The following LRP1B variants were observed in gnomAD, a reference collection of about 807,000 sequenced individuals.
LRP1B encodes the protein LDL receptor related protein 1B.
A neutral mutation model predicts 556.6 loss-of-function variants in LRP1B; 217 were observed. The ratio of observed to expected loss-of-function variants is 0.39; its 90% confidence interval spans 0.35 to 0.44. The LOEUF is 0.44. Among genes scored for constraint, LRP1B ranks in the 20% least tolerant of loss-of-function variants. The pLI, the probability that LRP1B is intolerant of heterozygous loss-of-function variation, is 1.00. For synonymous variants in LRP1B, 2,047 were observed against 1,865.8 expected, an observed-to-expected ratio of 1.10 and a Z score of -2.50; for missense variants, 5,053 against 5,620.8, an observed-to-expected ratio of 0.90 and a Z score of 3.23.
chr2:142,070,889 C>T (rs1234262799), intron 1 of LRP1B, among the ~76,000 whole-genome samples: 1 of 151,912 alleles, frequency 6.6e-6, no homozygotes, highest in African/African-American at 2.4e-5. Context: ...GATATCTGCT[C>T]TAATCTTCCC....
intron 7 of LRP1B, among the ~76,000 whole-genome samples, chr2:141,115,542 C>T (rs572164683): frequency 4.0e-5 from 6 of 148,722 alleles, no homozygotes; most frequent in South Asian, 2.1e-4. Context: ...TTGCAAGCTC[C>T]GCCTCCCGAG....
chr2:141,266,523 AT>A (rs70991150), intron 3 of LRP1B, among the ~76,000 whole-genome samples: 18,543 of 151,974 alleles, frequency 0.12, 1,275 homozygotes, highest in Admixed American at 0.18. Context: ...CAAAGTAACA[AT>A]TTTTTTTAAA....
At chr2:141,941,878 G>GT (rs1700816212) in intron 1 of LRP1B, among the ~76,000 whole-genome samples, 1 of 152,176 alleles carries the variant, frequency 6.6e-6, no homozygotes, top group Non-Finnish European at 1.5e-5. Flanking sequence ...CTAATAAAAT[G>GT]ATGAGTACCG....
In LRP1B at chr2:141,062,087, T is replaced by A. The variant is rs1257590869; in HGVS notation, c.1200A>T (p.Gln400His). 1 of 1,612,018 alleles carries A rather than the reference T, an allele frequency of 6.2e-7. No individual in the cohort carries two copies. Residue 400 changes from glutamine to histidine, a missense_variant, in exon 8 of 91, where the codon CAA becomes CAT. Physicochemically the swap from Gln to His is conservative, Grantham distance 24. This residue lies in a region of LRP1B where 3,619 missense variants were observed against 3,931.9 expected (regional missense o/e 0.92). Coordinates refer to ENST00000389484, the MANE Select transcript of LRP1B (RefSeq NM_018557.3). ...GAATGACAGTGTGTCTATTTTTTCCTTGATAGTCCACTACTCCCACATAGT... is the reference window on the plus strand; with the variant it reads ...GAATGACAGTGTGTCTATTTTTTCCATGATAGTCCACTACTCCCACATAGT... ...YLDYVGVVDYQGKNRHTVIQG... is the reference protein window; with the variant it reads ...YLDYVGVVDYHGKNRHTVIQG...
At position 141,583,128 on chromosome 2, in the gene LRP1B, G is replaced by A. The variant is rs867750269; in HGVS notation, c.206-102595C>T. On this transcript the variant is annotated intron_variant, in intron 2 of 90. Transcript: ENST00000389484. Reference sequence around the variant, plus strand: ...TGGGATTACAGGCGTGAGCCACCACGCCCGGCCAACAATAATCATTTTTAT... The same window carrying A: ...TGGGATTACAGGCGTGAGCCACCACACCCGGCCAACAATAATCATTTTTAT... Among the ~76,000 whole-genome samples the A allele has an allele frequency of 4.8e-4, 73 of 152,104 alleles. 1 individual carries two copies. Among genetic ancestry groups the A allele is most frequent in the African/African-American group, 1.7e-3 (69 of 41,508 alleles).
chr2:141,382,613 ACAGCAGGTCCTGAGAGGATCC>A, intron 3 of LRP1B, among the ~76,000 whole-genome samples: 1 of 152,302 alleles, frequency 6.6e-6, no homozygotes, highest in East Asian at 1.9e-4. Flanking sequence ...CCTTCATCTC[ACAGCAGGTCCTGAGAGGATCC>A]CAGGATCAGC....
intron 2 of LRP1B, among the ~76,000 whole-genome samples, chr2:141,524,639 A>G (rs1410614457): frequency 6.6e-6 from 1 of 152,032 alleles, no homozygotes; most frequent in Non-Finnish European, 1.5e-5. Context: ...TCTTCCTCCA[A>G]TGTGGCCCAG....
intron 3 of LRP1B, among the ~76,000 whole-genome samples, chr2:141,467,882 C>T (rs1266803909): frequency 6.7e-6 from 1 of 149,878 alleles, no homozygotes; most frequent in Non-Finnish European, 1.5e-5. Context: ...ACATACTATC[C>T]CTAGAAGTTG....
intron 2 of LRP1B, among the ~76,000 whole-genome samples, chr2:141,645,684 T>G (rs1466044466): frequency 6.6e-6 from 1 of 151,946 alleles, no homozygotes; most frequent in Non-Finnish European, 1.5e-5. Flanking sequence ...CAACTGAGTA[T>G]ACTATGTATG....
At chr2:141,237,500 C>T (rs545080042) in intron 5 of LRP1B, among the ~76,000 whole-genome samples, 7 of 152,012 alleles carry the variant, frequency 4.6e-5, no homozygotes, top group Non-Finnish European at 1.0e-4. Flanking sequence ...GCCACTGTGC[C>T]AAACCTGTGC....
chr2:140,654,025 CAAAAAAAAAAAA>C (rs61199077), intron 41 of LRP1B, among the ~76,000 whole-genome samples: 2 of 35,398 alleles, frequency 5.7e-5, no homozygotes, highest in East Asian at 8.7e-4. Flanking sequence ...GACTCCATCT[CAAAAAAAAAAAA>C]AAAAAAAAAA....
intron 17 of LRP1B, among the ~76,000 whole-genome samples, chr2:140,989,293 C>T (rs1192674484): frequency 6.6e-6 from 1 of 152,062 alleles, no homozygotes; most frequent in Non-Finnish European, 1.5e-5. Context: ...TGTCGACAGT[C>T]AACCCATATG....
At chr2:141,786,663 C>T (rs1436433852) in intron 2 of LRP1B, among the ~76,000 whole-genome samples, 1 of 151,944 alleles carries the variant, frequency 6.6e-6, no homozygotes, top group Middle Eastern at 3.4e-3. Context: ...CTGGCTAGGA[C>T]CACTGGTATG....
At chr2:141,962,603 T>A (rs887911925) in intron 1 of LRP1B, among the ~76,000 whole-genome samples, 4 of 151,692 alleles carry the variant, frequency 2.6e-5, no homozygotes, top group Non-Finnish European at 5.9e-5. Context: ...AAATGAGAAA[T>A]AGGATTCAAA....
rs1400729803 is a variant in LRP1B at position 140,716,029 on chromosome 2, T to C, written c.5967A>G (p.Val1989=). 2 of 1,610,270 alleles carry C rather than the reference T, an allele frequency of 1.2e-6. No individual in the cohort carries two copies. Among genetic ancestry groups the C allele is most frequent in the Non-Finnish European group, 1.7e-6 (2 of 1,177,122 alleles). Residue 1989 remains valine, a synonymous_variant, in exon 37 of 91, where the codon GTA becomes GTG. Coordinates refer to ENST00000389484, the MANE Select transcript of LRP1B (RefSeq NM_018557.3). ...GTTGATCCAGGCCTTGGGAAATAAT[T>C]ACATAACGGAAAGAACCATTGAGTC... The part of the protein sequence containing the change: ...VARLNGSFRY[V]IISQGLDQPR...
intron 3 of LRP1B, among the ~76,000 whole-genome samples, chr2:141,354,104 C>T (rs1408227587): frequency 2.0e-5 from 3 of 151,918 alleles, no homozygotes; most frequent in East Asian, 3.9e-4. Context: ...ACCTACCTCT[C>T]GGGTACTATG....
intron 43 of LRP1B, among the ~76,000 whole-genome samples, chr2:140,555,707 T>C (rs1214204767): frequency 6.6e-6 from 1 of 152,154 alleles, no homozygotes; most frequent in East Asian, 1.9e-4. Flanking sequence ...AATTAACTTT[T>C]AGAATGGATT....
chr2:142,089,150 C>A (rs558649499), intron 1 of LRP1B, among the ~76,000 whole-genome samples: 1 of 152,034 alleles, frequency 6.6e-6, no homozygotes, highest in Non-Finnish European at 1.5e-5. Flanking sequence ...AGCTTACATT[C>A]TTTTGAAGGG....
chr2:140,649,834 A>G (rs1684612430), intron 41 of LRP1B, among the ~76,000 whole-genome samples: 1 of 152,246 alleles, frequency 6.6e-6, no homozygotes, highest in Non-Finnish European at 1.5e-5. Flanking sequence ...TTAAGAAGAC[A>G]GTATAATACA....
Sources: allele counts gnomAD v4.1 joint callset (sites outside exome capture counted in the v4.1 genomes callset), GRCh38; gene constraint gnomAD v4.1.1; regional missense constraint gnomAD v4.1.1; transcripts MANE v1.5; gene names NCBI Gene and HGNC (gene_info 2026-07-23, HGNC 2026-07-21).